KHDRBS3: variants seen among roughly 807,000 people sequenced by gnomAD.
KHDRBS3 encodes KH RNA binding domain containing, signal transduction associated 3, also known as KH domain-containing, RNA-binding, signal transduction-associated protein 3.
In KHDRBS3, 23 loss-of-function variants were observed where a neutral mutation model predicts 45.6. The observed-to-expected ratio is 0.50, with a 90% CI of 0.36 to 0.72. The LOEUF (loss-of-function observed/expected upper bound fraction) is 0.72. KHDRBS3 is among the 30% of genes least tolerant of loss of function. The pLI, the probability that KHDRBS3 is intolerant of heterozygous loss-of-function variation, is 0.00. For missense variants in KHDRBS3, 352 were observed against 424.8 expected, an observed-to-expected ratio of 0.83 and a Z score of 1.51; for synonymous variants, 162 against 156.5, an observed-to-expected ratio of 1.04 and a Z score of -0.26.
At position 135,467,170 on chromosome 8, in the gene KHDRBS3, C is replaced by T. The variant is rs576624295; in HGVS notation, c.88+9216C>T. Among the ~76,000 whole-genome samples, 23 of 152,240 alleles carry T rather than the reference C, an allele frequency of 1.5e-4. 1 individual carries two copies. The South Asian group carries it at 4.2e-3, about 28-fold the overall frequency. ...AAACAAGATTAAATGACAGTGGTTT[C>T]GTATTTGTTTAATTTCACTATAAAT... On this transcript the variant is annotated intron_variant, in intron 1 of 8. Transcript: ENST00000355849.
chr8:135,558,959 A>C (rs1466575301), intron 5 of KHDRBS3, among the ~76,000 whole-genome samples: 1 of 152,056 alleles, frequency 6.6e-6, no homozygotes, highest in Non-Finnish European at 1.5e-5. Context: ...ACATTCCTTG[A>C]TTTGTAGGCA....
intron 7 of KHDRBS3, among the ~76,000 whole-genome samples, chr8:135,641,881 G>A (rs992362561): frequency 2.6e-5 from 4 of 152,202 alleles, no homozygotes; most frequent in East Asian, 1.9e-4. Flanking sequence ...CAGGAAAGCC[G>A]TGTTTTTTCT....
intron 1 of KHDRBS3, among the ~76,000 whole-genome samples, chr8:135,492,481 G>A (rs1823204010): frequency 6.7e-6 from 1 of 148,986 alleles, no homozygotes; most frequent in Admixed American, 6.8e-5. Context: ...TGCATATGGT[G>A]AGGATCAAAA....
chr8:135,482,211 A>G (rs1392718590), intron 1 of KHDRBS3, among the ~76,000 whole-genome samples: 1 of 152,226 alleles, frequency 6.6e-6, no homozygotes, highest in Admixed American at 6.5e-5. Flanking sequence ...TGGACATTAC[A>G]TTAATGTATA....
intron 5 of KHDRBS3, among the ~76,000 whole-genome samples, chr8:135,558,665 A>T (rs1423809725): frequency 6.6e-6 from 1 of 152,190 alleles, no homozygotes; most frequent in Admixed American, 6.5e-5. Flanking sequence ...TACTCAGTAA[A>T]TGGTAAATCT....
chr8:135,654,678 C>A (rs1258569029), intron 4 of KHDRBS3, among the ~76,000 whole-genome samples: 3 of 152,176 alleles, frequency 2.0e-5, no homozygotes, highest in African/African-American at 7.2e-5. Flanking sequence ...TGCTGGTCTC[C>A]TCACATTCCT....
intron 6 of KHDRBS3, among the ~76,000 whole-genome samples, chr8:135,589,962 A>G (rs905317747): frequency 1.6e-4 from 24 of 152,216 alleles, no homozygotes; most frequent in Non-Finnish European, 4.4e-5. Flanking sequence ...ATGAAAGACA[A>G]TGCAATTTAA....
chr8:135,626,210 A>T (rs937691032), intron 7 of KHDRBS3, among the ~76,000 whole-genome samples: 16 of 152,184 alleles, frequency 1.1e-4, no homozygotes, highest in African/African-American at 3.9e-4. Flanking sequence ...GATTTTTTTT[A>T]AACTTTTACA....
intron 2 of KHDRBS3, among the ~76,000 whole-genome samples, chr8:135,524,444 T>G (rs776787351): frequency 1.3e-5 from 2 of 152,240 alleles, no homozygotes; most frequent in Non-Finnish European, 2.9e-5. Context: ...TCCTAAATAT[T>G]TGATAGATTC....
chr8:135,490,343 A>T (rs1823083220), intron 1 of KHDRBS3, among the ~76,000 whole-genome samples: 1 of 152,128 alleles, frequency 6.6e-6, no homozygotes, highest in Admixed American at 6.6e-5. Context: ...ATTGATCCCT[A>T]GTTCCTGGTC....
chr8:135,477,109 T>G (rs1822327953), intron 1 of KHDRBS3, among the ~76,000 whole-genome samples: 1 of 152,238 alleles, frequency 6.6e-6, no homozygotes, highest in South Asian at 2.1e-4. Flanking sequence ...CCAGATCTTT[T>G]CATATATTAT....
intron 7 of KHDRBS3, among the ~76,000 whole-genome samples, chr8:135,608,244 G>A (rs1829554557): frequency 6.6e-6 from 1 of 152,170 alleles, no homozygotes; most frequent in African/African-American, 2.4e-5. Context: ...TTCTAAGTCA[G>A]ATATTCTAAC....
At chr8:135,516,570 TTGTGTG>T (rs56155377) in intron 1 of KHDRBS3, among the ~76,000 whole-genome samples, 6 of 149,030 alleles carry the variant, frequency 4.0e-5, no homozygotes, top group African/African-American at 1.2e-4. Flanking sequence ...GTTTCTTACA[TTGTGTG>T]TGTGTGTGTG....
At chr8:135,524,676 C>T (rs964327823) in intron 2 of KHDRBS3, among the ~76,000 whole-genome samples, 5 of 151,528 alleles carry the variant, frequency 3.3e-5, no homozygotes, top group Non-Finnish European at 7.4e-5. Context: ...TTGTCACTCT[C>T]ACAAAAGTTT....
At chr8:135,606,413 A>G (rs906608509) in intron 6 of KHDRBS3, among the ~76,000 whole-genome samples, 1 of 152,074 alleles carries the variant, frequency 6.6e-6, no homozygotes, top group African/African-American at 2.4e-5. Context: ...GCCTTTAAGT[A>G]TTTTCTTCAG....
chr8:135,588,142 G>T (rs1563789108), intron 6 of KHDRBS3, among the ~76,000 whole-genome samples: 1 of 152,142 alleles, frequency 6.6e-6, no homozygotes, highest in Non-Finnish European at 1.5e-5. Context: ...GGGCCCCCAG[G>T]TTACCCACAA....
intron 1 of KHDRBS3, among the ~76,000 whole-genome samples, chr8:135,471,901 G>A (rs1265634766): frequency 6.6e-6 from 1 of 152,230 alleles, no homozygotes; most frequent in Non-Finnish European, 1.5e-5. Flanking sequence ...TTGGGTGGGA[G>A]TTCTTTCTCC....
chr8:135,502,968 G>A (rs1823806582), intron 1 of KHDRBS3, among the ~76,000 whole-genome samples: 1 of 152,154 alleles, frequency 6.6e-6, no homozygotes, highest in African/African-American at 2.4e-5. Context: ...GGTCACACTA[G>A]TCACCTTTCA....
At chr8:135,472,010 A>G (rs1418545203) in intron 1 of KHDRBS3, among the ~76,000 whole-genome samples, 1 of 152,168 alleles carries the variant, frequency 6.6e-6, no homozygotes, top group African/African-American at 2.4e-5. Context: ...GTGGGCACTC[A>G]GTGTGTGTAG....
Sources: gnomAD v4.1 joint callset for allele counts (sites outside exome capture counted in the v4.1 genomes callset) on GRCh38, gnomAD v4.1.1 for gene constraint, MANE v1.5 for transcripts, NCBI Gene and HGNC (gene_info 2026-07-23, HGNC 2026-07-21) for gene names.